Variants in MAP4K3 observed in about 807,000 individuals in gnomAD.
The protein encoded by MAP4K3 is mitogen-activated protein kinase kinase kinase kinase 3.
In MAP4K3, 94 loss-of-function variants were observed where a neutral mutation model predicts 143.5. The ratio of observed to expected loss-of-function variants is 0.65; its 90% CI spans 0.55 to 0.78. The LOEUF (loss-of-function observed/expected upper bound fraction) is 0.78, where lower values mean the gene tolerates loss of function less well. Ranked by LOEUF, MAP4K3 falls within the 30% of genes least tolerant of loss-of-function variation. The pLI is 0.00. For missense variants in MAP4K3, 1,077 were observed against 1,068.1 expected (o/e 1.01, Z -0.12); for synonymous variants, 416 against 347.2 (o/e 1.20, Z -2.20).
At chr2:39,269,282 C>T (rs7600046) in intron 26 of MAP4K3, among the ~76,000 whole-genome samples, 134,706 of 151,874 alleles carry the variant, frequency 0.89, 59,919 homozygotes, top group Non-Finnish European at 0.92. Flanking sequence ...AATATAATAT[C>T]GTAGTACTGT....
intron 13 of MAP4K3, among the ~76,000 whole-genome samples, chr2:39,313,824 G>C (rs1183211052): frequency 2.0e-5 from 3 of 151,832 alleles, no homozygotes; most frequent in Admixed American, 6.6e-5. Flanking sequence ...TAGACATCTA[G>C]TTTGAAATAG....
intron 12 of MAP4K3, among the ~76,000 whole-genome samples, chr2:39,319,716 C>T (rs959103705): frequency 1.3e-5 from 2 of 152,144 alleles, no homozygotes; most frequent in Non-Finnish European, 2.9e-5. Flanking sequence ...GAAGAATCCA[C>T]TAATCTGCTA....
At chr2:39,408,012 G>T (rs1667141374) in intron 1 of MAP4K3, among the ~76,000 whole-genome samples, 2 of 152,036 alleles carry the variant, frequency 1.3e-5, no homozygotes, top group Non-Finnish European at 2.9e-5. Context: ...GTTTTGTGCA[G>T]ATGCAGTCAA....
Position 39,381,692 on chromosome 2 carries a change from T to C in MAP4K3, c.97-3569A>G, listed in dbSNP as rs114307558. 6.0e-3 allele frequency among the ~76,000 whole-genome samples: 914 copies of C among 152,350 alleles called. 8 individuals carry two copies. The highest frequency in any genetic ancestry group is 0.021 in the African/African-American group (876 of 41,574). On this transcript the variant is annotated intron_variant, in intron 1 of 33. Transcript: ENST00000263881. ...AGGGCTTCAGTTTCATTCTTTTGCC[T>C]ATGGATATGAAATTGTGAAATACCA...
Position 39,375,756 on chromosome 2 carries a change from T to A in MAP4K3, c.154+2310A>T, listed in dbSNP as rs573705444. Among the ~76,000 whole-genome samples, 15 of 152,310 alleles carry A rather than the reference T, an allele frequency of 9.8e-5. No homozygotes were observed. The East Asian group carries it at 2.7e-3, about 27-fold the overall frequency. On this transcript the variant is annotated intron_variant, in intron 2 of 33. Coordinates refer to ENST00000263881, the MANE Select transcript of MAP4K3 (RefSeq NM_003618.4). Reference sequence around the variant, plus strand: ...ACCCTTCACGTACAATAATTGTTAGTCCACCTCGTCCCCAGCTCACCAGAT... The same window carrying A: ...ACCCTTCACGTACAATAATTGTTAGACCACCTCGTCCCCAGCTCACCAGAT...
chr2:39,324,429 A>C (rs1683421269), intron 12 of MAP4K3, among the ~76,000 whole-genome samples: 1 of 152,208 alleles, frequency 6.6e-6, no homozygotes, highest in African/African-American at 2.4e-5. Context: ...AACAAAACAA[A>C]AAAAACTTCT....
intron 1 of MAP4K3, chr2:39,436,682 G>T (rs535059332): frequency 7.1e-6 from 4 of 564,986 alleles, no homozygotes; most frequent in African/African-American, 3.9e-5. Context: ...CCACCGGGGG[G>T]GCTCAGGTAA....
At chr2:39,434,714 A>G (rs567767738) in intron 1 of MAP4K3, among the ~76,000 whole-genome samples, 30 of 152,314 alleles carry the variant, frequency 2.0e-4, no homozygotes, top group Non-Finnish European at 4.1e-4. Context: ...CCACCTACCA[A>G]CTTTGGCAAG....
Position 39,310,025 on chromosome 2 carries a change from A to G in MAP4K3, c.998-506T>C, listed in dbSNP as rs541685931. Among the ~76,000 whole-genome samples, 5 of 152,312 alleles carry G rather than the reference A, an allele frequency of 3.3e-5. No homozygotes were observed. The East Asian group carries it at 7.7e-4, about 23-fold the overall frequency. ...GTAAATATTCATGGTGGTATATGCG[A>G]TATTTTGATACACGTGTACAATGTG... is the stretch of plus-strand genomic sequence containing the variant. On this transcript the variant is annotated intron_variant, in intron 13 of 33. Transcript: ENST00000263881.
chr2:39,396,031 G>T (rs1380121984), intron 1 of MAP4K3, among the ~76,000 whole-genome samples: 1 of 151,972 alleles, frequency 6.6e-6, no homozygotes, highest in Non-Finnish European at 1.5e-5. Flanking sequence ...GGTTTTTGGG[G>T]TTTTTTGTTT....
intron 29 of MAP4K3, among the ~76,000 whole-genome samples, chr2:39,259,191 C>T (rs991734929): frequency 1.3e-5 from 2 of 152,028 alleles, no homozygotes; most frequent in Admixed American, 6.6e-5. Flanking sequence ...TGGGGTCCTG[C>T]TATATCGCCT....
intron 2 of MAP4K3, among the ~76,000 whole-genome samples, chr2:39,374,498 A>G (rs893928593): frequency 1.3e-5 from 2 of 152,108 alleles, no homozygotes; most frequent in East Asian, 3.8e-4. Context: ...CCTGCCCAAC[A>G]CAGTGAAACC....
At chr2:39,322,914 C>G (rs7594145) in intron 12 of MAP4K3, among the ~76,000 whole-genome samples, 116,958 of 151,900 alleles carry the variant, frequency 0.77, 45,638 homozygotes, top group Non-Finnish European at 0.84. Context: ...AGGTGATCCA[C>G]CTGCCTCGGT....
intron 1 of MAP4K3, among the ~76,000 whole-genome samples, chr2:39,385,283 A>G (rs963528424): frequency 3.3e-5 from 5 of 152,024 alleles, no homozygotes; most frequent in African/African-American, 1.2e-4. Flanking sequence ...TGACTGTACC[A>G]TTTTTCATTC....
chr2:39,316,745 C>A lies in MAP4K3; in HGVS notation c.919-1357G>T, dbSNP rs1194121451. ...AAGATTACACTTAACATCTCTAAAA[C>A]GGTATTACATTTACTAGAATTTCGA... On this transcript the variant is annotated intron_variant, in intron 12 of 33. Transcript: ENST00000263881. Among the ~76,000 whole-genome samples, 3 of 152,166 alleles carry A rather than the reference C, an allele frequency of 2.0e-5. No individual in the cohort carries two copies. The East Asian group carries it at 5.8e-4, about 29-fold the overall frequency.
At chr2:39,279,687 T>C (rs537056508) in intron 23 of MAP4K3, among the ~76,000 whole-genome samples, 2 of 152,256 alleles carry the variant, frequency 1.3e-5, no homozygotes, top group East Asian at 3.9e-4. Context: ...CAGTGGCTCC[T>C]GTCTGTAATC....
At chr2:39,391,925 G>A (rs1481201899) in intron 1 of MAP4K3, among the ~76,000 whole-genome samples, 1 of 152,208 alleles carries the variant, frequency 6.6e-6, no homozygotes, top group East Asian at 1.9e-4. Context: ...GCTCACATCT[G>A]TAATCCTAGC....
chr2:39,355,262 G>A (rs955305415), intron 3 of MAP4K3, among the ~76,000 whole-genome samples: 1 of 150,944 alleles, frequency 6.6e-6, no homozygotes, highest in Admixed American at 6.6e-5. Context: ...TCAGGAGGCT[G>A]AGGCAGGGGA....
chr2:39,369,980 A>T (rs755606575), intron 2 of MAP4K3, among the ~76,000 whole-genome samples: 2 of 152,202 alleles, frequency 1.3e-5, no homozygotes, highest in Non-Finnish European at 2.9e-5. Flanking sequence ...TAAACATTCT[A>T]GTTTTCACAT....
Sources: gnomAD v4.1 joint callset for allele counts (sites outside exome capture counted in the v4.1 genomes callset) on GRCh38, gnomAD v4.1.1 for gene constraint, MANE v1.5 for transcripts, NCBI Gene and HGNC (gene_info 2026-07-23, HGNC 2026-07-21) for gene names.